Variants in SOS1 observed in about 807,000 individuals in gnomAD.
The protein encoded by SOS1 is son of sevenless homolog 1.
In SOS1, 25 loss-of-function variants were observed where a neutral mutation model predicts 157.6. That is an observed-to-expected ratio of 0.16 (90% CI 0.12 to 0.22). The LOEUF is 0.22. Ranked by LOEUF, SOS1 falls within the 10% of genes least tolerant of loss-of-function variation. The probability of loss-of-function intolerance (pLI) is 1.00; values close to 1 mark genes in which losing one functional copy is unlikely to be tolerated. For synonymous variants in SOS1, 528 were observed against 534.0 expected (o/e 0.99, Z 0.16); for missense variants, 1,237 against 1,599.1 (o/e 0.77, Z 3.86).
chr2:39,037,530 T>TA (rs932444920), intron 6 of SOS1, among the ~76,000 whole-genome samples: 11 of 151,794 alleles, frequency 7.2e-5, no homozygotes, highest in Non-Finnish European at 1.3e-4. Context: ...TTCACAATTA[T>TA]AAAAAAAAAT....
intron 14 of SOS1, among the ~76,000 whole-genome samples, chr2:39,011,511 T>G (rs1474697005): frequency 6.6e-6 from 1 of 152,136 alleles, no homozygotes; most frequent in Admixed American, 6.5e-5. Flanking sequence ...ACACTGTAAT[T>G]TTCAGAAATA....
upstream of SOS1, among the ~76,000 whole-genome samples, chr2:39,123,610 C>T (rs1263208670): frequency 2.0e-5 from 3 of 151,626 alleles, no homozygotes; most frequent in Non-Finnish European, 4.4e-5. Context: ...CACCCACCTC[C>T]GCCTCCCAAA....
chr2:39,101,364 C>A (rs1283738216), intron 1 of SOS1, among the ~76,000 whole-genome samples: 2 of 152,086 alleles, frequency 1.3e-5, no homozygotes, highest in Non-Finnish European at 2.9e-5. Context: ...TGGAGGTGGA[C>A]AAATTTCAAC....
intron 1 of SOS1, 144 bp downstream of exon 1, chr2:39,120,192 G>A (rs1673815164): frequency 3.1e-6 from 2 of 646,752 alleles, no homozygotes; most frequent in South Asian, 2.7e-5. Flanking sequence ...TATGAGGGGG[G>A]CCTCTCCGTG....
intron 15 of SOS1, chr2:39,007,628 T>C: frequency 5.9e-6 from 1 of 169,212 alleles, no homozygotes; most frequent in Non-Finnish European, 1.3e-5. Context: ...ATTGGCTACA[T>C]ACATTTCTAG....
intron 1 of SOS1, among the ~76,000 whole-genome samples, chr2:39,111,059 CCT>C (rs2148224652): frequency 6.6e-6 from 1 of 152,294 alleles, no homozygotes; most frequent in South Asian, 2.1e-4. Context: ...ATGGCGAAAC[CCT>C]GTCTGTAATA....
chr2:38,986,406 T>C (rs1217915316), intron 22 of SOS1, 91 bp from the exon 23 acceptor site: 1 of 1,194,774 alleles, frequency 8.4e-7, no homozygotes, highest in African/African-American at 1.5e-5. Flanking sequence ...TCAAACATGC[T>C]ATTGGCAGGA....
intron 6 of SOS1, among the ~76,000 whole-genome samples, chr2:39,048,930 T>A (rs1231179519): frequency 6.6e-6 from 1 of 152,162 alleles, no homozygotes; most frequent in Non-Finnish European, 1.5e-5. Context: ...TGTATCCTTA[T>A]TACTCTTTTT....
chr2:39,065,236 C>T lies in SOS1; in HGVS notation c.213+2392G>A, dbSNP rs112801985. On this transcript the variant is annotated intron_variant, in intron 2 of 22. Transcript: ENST00000402219. ...ATGAGGAAAATGGAAAATTATTTCC[C>T]GATAAAAGAATGTAAGACACCATTT... Among the ~76,000 whole-genome samples the T allele has an allele frequency of 3.4e-3, 521 of 152,096 alleles. 4 individuals are homozygous for T. Among genetic ancestry groups the T allele is most frequent in the Non-Finnish European group, 3.7e-3 (253 of 67,972 alleles).
intron 6 of SOS1, among the ~76,000 whole-genome samples, chr2:39,039,252 T>C (rs1246702742): frequency 6.6e-6 from 1 of 152,234 alleles, no homozygotes; most frequent in African/African-American, 2.4e-5. Flanking sequence ...ACATTCACTT[T>C]ATTGCAGTAG....
At chr2:39,007,689 T>C (rs1669325114) in intron 15 of SOS1, among the ~76,000 whole-genome samples, 1 of 152,206 alleles carries the variant, frequency 6.6e-6, no homozygotes, top group Non-Finnish European at 1.5e-5. Context: ...GCATTAAATG[T>C]AATGGCAAAA....
At chr2:39,024,666 C>G (rs534814625) in intron 8 of SOS1, among the ~76,000 whole-genome samples, 1 of 152,158 alleles carries the variant, frequency 6.6e-6, no homozygotes, top group South Asian at 2.1e-4. Flanking sequence ...TGGGGCAAGT[C>G]ACTTGATCTC....
intron 20 of SOS1, among the ~76,000 whole-genome samples, chr2:38,990,909 G>T (rs1465484185): frequency 2.0e-5 from 3 of 152,078 alleles, no homozygotes; most frequent in Admixed American, 6.6e-5. Flanking sequence ...TTGTCAGTTA[G>T]ATACTGAGTA....
At chr2:39,071,103 A>G (rs963330748) in intron 1 of SOS1, among the ~76,000 whole-genome samples, 3 of 152,032 alleles carry the variant, frequency 2.0e-5, no homozygotes, top group Admixed American at 6.6e-5. Flanking sequence ...CCTGACCTCA[A>G]GTGATCCACC....
intron 6 of SOS1, among the ~76,000 whole-genome samples, chr2:39,036,886 G>A (rs1670373773): frequency 6.6e-6 from 1 of 151,362 alleles, no homozygotes; most frequent in African/African-American, 2.4e-5. Context: ...GACCAGGCTG[G>A]TCTTGATCTG....
intron 17 of SOS1, among the ~76,000 whole-genome samples, chr2:39,005,049 G>T (rs1455747056): frequency 6.6e-6 from 1 of 152,082 alleles, no homozygotes; most frequent in East Asian, 1.9e-4. Flanking sequence ...TTATCCAAAG[G>T]TGATATGTTC....
At chr2:39,084,496 G>C (rs1185532466) in intron 1 of SOS1, among the ~76,000 whole-genome samples, 2 of 152,194 alleles carry the variant, frequency 1.3e-5, no homozygotes, top group East Asian at 3.9e-4. Flanking sequence ...GGGCAAGGCA[G>C]GGATGTGAAG....
intron 2 of SOS1, among the ~76,000 whole-genome samples, chr2:39,062,431 AAATT>A (rs1260670733): frequency 6.7e-6 from 1 of 148,846 alleles, no homozygotes. Context: ...ATAAAAAAAA[AAATT>A]AAAAAAAAAA....
chr2:39,093,913 G>T (rs1336391581), intron 1 of SOS1, among the ~76,000 whole-genome samples: 1 of 152,130 alleles, frequency 6.6e-6, no homozygotes, highest in Non-Finnish European at 1.5e-5. Flanking sequence ...CCACTTGTGG[G>T]GTTTGACATT....
Sources: allele counts gnomAD v4.1 joint callset (sites outside exome capture counted in the v4.1 genomes callset), GRCh38; gene constraint gnomAD v4.1.1; transcripts MANE v1.5; gene names NCBI Gene and HGNC (gene_info 2026-07-23, HGNC 2026-07-21).